OR10A6: variants seen among roughly 807,000 people sequenced by gnomAD.
The protein encoded by OR10A6 is olfactory receptor family 10 subfamily A member 6 (gene/pseudogene).
Under a neutral mutation model 1.5 loss-of-function variants are expected in OR10A6, and 2 were observed. The ratio of observed to expected loss-of-function variants is 1.31; its 90% confidence interval spans 0.54 to 4.13. OR10A6 has a LOEUF of 4.13. Among genes scored for constraint, OR10A6 ranks in the 30% most tolerant of loss-of-function variants. The pLI is 0.07. For missense variants in OR10A6, 492 were observed against 368.6 expected (o/e 1.33, Z -2.74); for synonymous variants, 169 against 137.3 (o/e 1.23, Z -1.61).
Position 7,929,962 on chromosome 11 carries a change from G to GTGTATA in OR10A6, c.-1301_-1300insTATACA, listed in dbSNP as rs1433020713. 9 of 24,812 alleles carry GTGTATA rather than the reference G, an allele frequency of 3.6e-4. No individual in the cohort carries two copies. The highest frequency in any genetic ancestry group is 1.4e-3 in the African/African-American group (8 of 5,754). The allele number at this position is 24,812 out of a possible 1,614,324, so 1.5% of individuals were successfully genotyped here. On this transcript the variant is annotated 5_prime_UTR_variant, in exon 4 of 4. Coordinates refer to ENST00000641238, the MANE Select transcript of OR10A6 (RefSeq NM_001004461.2). ...AAGCTCTAGTAAGGTATGTGTATGT[G>GTGTATA]TATGTATATATATATATATATATAT...
chr11:7,927,909 A>T lies in OR10A6; in HGVS notation c.754T>A (p.Tyr252Asn). 1 of 1,614,008 alleles carries T rather than the reference A, an allele frequency of 6.2e-7. No homozygotes were observed. The highest frequency in any genetic ancestry group is 1.3e-5 in the African/African-American group (1 of 75,050). Residue 252 changes from tyrosine to asparagine, a missense_variant, in exon 4 of 4, where the codon TAT (tyrosine) becomes AAT (asparagine). By Grantham distance (143) the Tyr-to-Asn change is moderately radical. Coordinates refer to ENST00000641238, the MANE Select transcript of OR10A6 (RefSeq NM_001004461.2). ...AAHLTSVTLFYGTASMTYLQP... is the reference protein window; with the variant it reads ...AAHLTSVTLFNGTASMTYLQP... ...AAATAAGTCATACTGGCTGTGCCAT[A>T]GAATAGGGTCACAGATGTGAGGTGA... is the stretch of plus-strand genomic sequence containing the variant.
chr11:7,929,962 G>GTATGTATATA lies in OR10A6; in HGVS notation c.-1310_-1301dup, dbSNP rs1223209753. The GTATGTATATA allele has an allele frequency of 5.2e-4, 13 of 24,812 alleles. 1 individual carries two copies. The South Asian group carries it at 8.7e-3, about 17-fold the overall frequency. 1.5% of individuals were successfully genotyped at this position (24,812 alleles called of 1,614,324 possible). A position where few individuals can be genotyped will look rare whatever the true frequency, so the allele number is the denominator to read the frequency against. ...AAGCTCTAGTAAGGTATGTGTATGT[G>GTATGTATATA]TATGTATATATATATATATATATAT... On this transcript the variant is annotated 5_prime_UTR_variant, in exon 4 of 4. Transcript: ENST00000641238.
Position 7,925,829 on chromosome 11 carries a change from G to C in OR10A6, c.*1889C>G, listed in dbSNP as rs1033777498. The C allele has an allele frequency of 6.6e-6, 1 of 152,210 alleles. No individual in the cohort carries two copies. Among genetic ancestry groups the C allele is most frequent in the Non-Finnish European group, 1.5e-5 (1 of 68,046 alleles). 9.4% of individuals were successfully genotyped at this position (152,210 alleles called of 1,614,324 possible). Reference sequence around the variant, plus strand: ...TGAAAACAGTATTATACAACATTCAGATATCACTGATAGCGACAGGAGGCA... The same window carrying C: ...TGAAAACAGTATTATACAACATTCACATATCACTGATAGCGACAGGAGGCA... On this transcript the variant is annotated 3_prime_UTR_variant, in exon 4 of 4. Coordinates refer to ENST00000641238, the MANE Select transcript of OR10A6 (RefSeq NM_001004461.2).
At chr11:7,930,700 A>G (rs1397784468) in intron 3 of OR10A6, 161 bp downstream of exon 3, 1 of 152,206 alleles carries the variant, frequency 6.6e-6, no homozygotes, top group East Asian at 1.9e-4. Flanking sequence ...TGCATTTCTA[A>G]TGGCAAAAAA....
In OR10A6 at chr11:7,928,380, C is replaced by T; in HGVS notation, c.283G>A (p.Gly95Arg). The change falls in exon 4 of 4, where the codon GGG (glycine) becomes AGG (arginine). Residue 95 changes from glycine to arginine, a missense_variant. Gly to Arg is a moderately radical substitution (Grantham distance 125). Coordinates refer to ENST00000641238, the MANE Select transcript of OR10A6 (RefSeq NM_001004461.2). ...AAATACATCTGTGCAAAACAGCCCC[C>T]AAAAGAAATTGTAGTTTTTTCAGTA... ...LSTEKTTISF[G>R]GCFAQMYFIL... 1 of 1,613,968 alleles carries T rather than the reference C, an allele frequency of 6.2e-7. No individual in the cohort carries two copies. The highest frequency in any genetic ancestry group is 8.5e-7 in the Non-Finnish European group (1 of 1,179,938).
rs373308116 is a variant in OR10A6, at chr11:7,927,695, T to C, written c.*23A>G. On this transcript the variant is annotated 3_prime_UTR_variant, in exon 4 of 4. Coordinates refer to ENST00000641238, the MANE Select transcript of OR10A6 (RefSeq NM_001004461.2). ...TGAATACAGTCATGCAGTGACTAAA[T>C]CTTACATGGCTTCTCAACACAGTCA... 1.3e-6 allele frequency: 2 copies of C among 1,516,276 alleles called. No individual in the cohort carries two copies. The highest frequency in any genetic ancestry group is 1.7e-5 in the Admixed American group (1 of 58,600). 93.9% of individuals were successfully genotyped at this position (1,516,276 alleles called of 1,614,324 possible).
chr11:7,928,394 G>GT lies in OR10A6; in HGVS notation c.268dup (p.Thr90AsnfsTer22). ...AAAACAGCCCCCAAAAGAAATTGTA[G>GT]TTTTTTCAGTAGAGAGGACCACCAG... On this transcript the variant is annotated frameshift_variant, in exon 4 of 4. Transcript: ENST00000641238. LOFTEE classifies it low-confidence loss of function (END_TRUNC). The GT allele has an allele frequency of 6.2e-7, 1 of 1,613,956 alleles. No homozygotes were observed. Among genetic ancestry groups the GT allele is most frequent in the Non-Finnish European group, 8.5e-7 (1 of 1,179,948 alleles).
In OR10A6 at chr11:7,928,691, T is replaced by G; in HGVS notation, c.-29A>C. ...CAGTAATGAAGTCGTGCATTGATTT[T>G]ATGGACATAGTATATACAGAATAAA... On this transcript the variant is annotated 5_prime_UTR_variant, in exon 4 of 4. It removes the in-frame stop codon of an upstream open reading frame in the 5' UTR. Transcript: ENST00000641238. 2 of 1,506,722 alleles carry G rather than the reference T, an allele frequency of 1.3e-6. No homozygotes were observed. Among genetic ancestry groups the G allele is most frequent in the Middle Eastern group, 1.8e-4 (1 of 5,586 alleles). 93.3% of individuals were successfully genotyped at this position (1,506,722 alleles called of 1,614,324 possible).
In OR10A6 at chr11:7,928,693, T is replaced by G; in HGVS notation, c.-31A>C. On this transcript the variant is annotated 5_prime_UTR_variant, in exon 4 of 4. Coordinates refer to ENST00000641238, the MANE Select transcript of OR10A6 (RefSeq NM_001004461.2). ...GTAATGAAGTCGTGCATTGATTTTA[T>G]GGACATAGTATATACAGAATAAAGC... is the stretch of plus-strand genomic sequence containing the variant. 6.7e-7 allele frequency: 1 copy of G among 1,500,360 alleles called. No homozygotes were observed. The allele number at this position is 1,500,360 out of a possible 1,614,324, so 92.9% of individuals were successfully genotyped here.
Position 7,928,163 on chromosome 11 carries a change from G to T in OR10A6, c.500C>A (p.Pro167His). Residue 167 changes from proline to histidine, a missense_variant, in exon 4 of 4, where the codon CCC becomes CAC. Transcript: ENST00000641238. ...GTTAATTTCATTAAGGCCACAAAAG[G>T]GAAAACTAGATACCCATGATGTTTG... ...TVQTSWVSSF[P>H]FCGLNEINHI... 1 of 1,613,786 alleles carries T rather than the reference G, an allele frequency of 6.2e-7. No individual in the cohort carries two copies. Among genetic ancestry groups the T allele is most frequent in the Non-Finnish European group, 8.5e-7 (1 of 1,179,868 alleles).
rs761009070 is a variant in OR10A6 at position 7,928,055 on chromosome 11, G to T, written c.608C>A (p.Thr203Asn). The part of the protein sequence containing the change: ...FLFEIYAFTG[T>N]FLIILVPFLL... ...GAAAGGAACCAAAATAATCAAAAAG[G>T]TGCCTGTGAATGCATAGATTTCAAA... The change falls in exon 4 of 4, where the codon ACC becomes AAC. Residue 203 changes from threonine to asparagine, a missense_variant. Physicochemically the swap from Thr to Asn is moderately conservative, Grantham distance 65 (BLOSUM62 0). Transcript: ENST00000641238. The T allele has an allele frequency of 3.7e-6, 6 of 1,613,866 alleles. No homozygotes were observed. Among genetic ancestry groups the T allele is most frequent in the Non-Finnish European group, 5.1e-6 (6 of 1,179,954 alleles).
rs57836826 is a variant in OR10A6 at position 7,929,995 on chromosome 11, A to ATATATATATATAT, written c.-1334_-1333insATATATATATATA. 5.4e-4 allele frequency: 34 copies of ATATATATATATAT among 63,130 alleles called. No homozygotes were observed. Among genetic ancestry groups the ATATATATATATAT allele is most frequent in the Non-Finnish European group, 7.0e-4 (23 of 32,876 alleles). 3.9% of individuals were successfully genotyped at this position (63,130 alleles called of 1,614,324 possible). ...ATATATATATATATATATATATATA[A>ATATATATATATAT]AATCCCTCACTAGAGCTTAGCTCCC... On this transcript the variant is annotated 5_prime_UTR_variant, in exon 4 of 4. Coordinates refer to ENST00000641238, the MANE Select transcript of OR10A6 (RefSeq NM_001004461.2).
Position 7,926,603 on chromosome 11 carries a change from C to G in OR10A6, c.*1115G>C, listed in dbSNP as rs533614177. The G allele has an allele frequency of 5.3e-5, 8 of 152,146 alleles. No individual in the cohort carries two copies. In the East Asian group the frequency reaches 1.4e-3, roughly 26 times the overall value. 9.4% of individuals were successfully genotyped at this position (152,146 alleles called of 1,614,324 possible). On this transcript the variant is annotated 3_prime_UTR_variant, in exon 4 of 4. Transcript: ENST00000641238. ...GATTGTTTTGTAGAAGTGTTCTAAC[C>G]GCTTTATTACCCCACCTCCACCCCC...
chr11:7,925,819 A>G lies in OR10A6; in HGVS notation c.*1899T>C, dbSNP rs570979296. 2.0e-5 allele frequency: 3 copies of G among 152,332 alleles called. No homozygotes were observed. The East Asian group carries it at 5.8e-4, about 29-fold the overall frequency. 9.4% of individuals were successfully genotyped at this position (152,332 alleles called of 1,614,324 possible). A position where few individuals can be genotyped will look rare whatever the true frequency, so the allele number is the denominator to read the frequency against. On this transcript the variant is annotated 3_prime_UTR_variant, in exon 4 of 4. Transcript: ENST00000641238. ...GGTGCCCAAATGAAAACAGTATTAT[A>G]CAACATTCAGATATCACTGATAGCG... is the stretch of plus-strand genomic sequence containing the variant.
At position 7,926,756 on chromosome 11, in the gene OR10A6, G is replaced by A. The variant is rs1859409258; in HGVS notation, c.*962C>T. On this transcript the variant is annotated 3_prime_UTR_variant, in exon 4 of 4. Coordinates refer to ENST00000641238, the MANE Select transcript of OR10A6 (RefSeq NM_001004461.2). Reference sequence around the variant, plus strand: ...ATGTTATATTTCAATGTTGCAATGTGTCTAATTATTCATCTTTATATATAA... The same window carrying A: ...ATGTTATATTTCAATGTTGCAATGTATCTAATTATTCATCTTTATATATAA... 6.6e-6 allele frequency: 1 copy of A among 152,072 alleles called. No individual in the cohort carries two copies. The highest frequency in any genetic ancestry group is 6.6e-5 in the Admixed American group (1 of 15,258). 9.4% of individuals were successfully genotyped at this position (152,072 alleles called of 1,614,324 possible).
rs1299762455 is a variant in OR10A6 at position 7,929,700 on chromosome 11, TTCTC to T, written c.-1042_-1039del. 4 of 118,450 alleles carry T rather than the reference TTCTC, an allele frequency of 3.4e-5. No homozygotes were observed. Among genetic ancestry groups the T allele is most frequent in the Admixed American group, 1.9e-4 (2 of 10,324 alleles). The allele number at this position is 118,450 out of a possible 1,614,324, so 7.3% of individuals were successfully genotyped here. ...GCATACCCCAGGACTTTCTCTTTCTTTCTCTCTCTCTTTCTATGTGTACATATAT... is the reference window on the plus strand; with the variant it reads ...GCATACCCCAGGACTTTCTCTTTCTTTCTCTCTTTCTATGTGTACATATAT... On this transcript the variant is annotated 5_prime_UTR_variant, in exon 4 of 4. It introduces an in-frame stop codon into an upstream open reading frame of the 5' UTR. Transcript: ENST00000641238.
rs1265636036 is a variant in OR10A6 at position 7,928,104 on chromosome 11, G to A, written c.559C>T (p.Leu187Phe). 2 of 1,613,862 alleles carry A rather than the reference G, an allele frequency of 1.2e-6. No homozygotes were observed. Among genetic ancestry groups the A allele is most frequent in the East Asian group, 2.2e-5 (1 of 44,880 alleles). Residue 187 changes from leucine (L) to phenylalanine (F), a missense_variant, in exon 4 of 4, where the codon CTT (leucine) becomes TTT (phenylalanine). Physicochemically the swap from Leu to Phe is conservative, Grantham distance 22. Coordinates refer to ENST00000641238, the MANE Select transcript of OR10A6 (RefSeq NM_001004461.2). ...ISCETPAVLE[L>F]ACADTFLFEI... ...AACAAAAACGTGTCTGCACATGCAA[G>A]TTCTAACACTGCTGGGGTTTCACAA... is the stretch of plus-strand genomic sequence containing the variant.
At position 7,929,996 on chromosome 11, in the gene OR10A6, A is replaced by ATATATATATATATATATATATG. The variant is rs1339002367; in HGVS notation, c.-1335_-1334insCATATATATATATATATATATA. On this transcript the variant is annotated 5_prime_UTR_variant, in exon 4 of 4. Transcript: ENST00000641238. ...TATATATATATATATATATATATAAAATCCCTCACTAGAGCTTAGCTCCCA... is the reference window on the plus strand; with the variant it reads ...TATATATATATATATATATATATAAATATATATATATATATATATATGATCCCTCACTAGAGCTTAGCTCCCA... 166 of 80,088 alleles carry ATATATATATATATATATATATG rather than the reference A, an allele frequency of 2.1e-3. 11 individuals are homozygous for ATATATATATATATATATATATG. Among genetic ancestry groups the ATATATATATATATATATATATG allele is most frequent in the Non-Finnish European group, 3.4e-3 (114 of 34,026 alleles). The allele number at this position is 80,088 out of a possible 1,614,324, so 5.0% of individuals were successfully genotyped here. A position where few individuals can be genotyped will look rare whatever the true frequency, so the allele number is the denominator to read the frequency against.
rs1018541609 is a variant in OR10A6 at position 7,927,453 on chromosome 11, G to T, written c.*265C>A. 1 of 356,932 alleles carries T rather than the reference G, an allele frequency of 2.8e-6. No individual in the cohort carries two copies. Among genetic ancestry groups the T allele is most frequent in the East Asian group, 4.2e-5 (1 of 23,764 alleles). The allele number at this position is 356,932 out of a possible 1,614,324, so 22.1% of individuals were successfully genotyped here. On this transcript the variant is annotated 3_prime_UTR_variant, in exon 4 of 4. Transcript: ENST00000641238. Reference sequence around the variant, plus strand: ...TGGTTGTTTTAGTATTATCTATTGTGACAAAAAAATAACCATCAGTAGGGC... The same window carrying T: ...TGGTTGTTTTAGTATTATCTATTGTTACAAAAAAATAACCATCAGTAGGGC...
Sources: gnomAD v4.1 joint callset for allele counts on GRCh38, gnomAD v4.1.1 for gene constraint, MANE v1.5 for transcripts, NCBI Gene and HGNC (gene_info 2026-07-23, HGNC 2026-07-21) for gene names.